The following KANSL1 variants were observed in gnomAD, a reference collection of about 807,000 sequenced individuals.
KANSL1 encodes KAT8 regulatory NSL complex subunit 1.
In KANSL1, 22 loss-of-function variants were observed where a neutral mutation model predicts 103.6. That is an observed-to-expected ratio of 0.21 (90% CI 0.15 to 0.30). The LOEUF (loss-of-function observed/expected upper bound fraction) is 0.30. KANSL1 is among the 10% of genes least tolerant of loss of function. The pLI, the probability that KANSL1 is intolerant of heterozygous loss-of-function variation, is 1.00. For missense variants in KANSL1, 1,337 were observed against 1,399.8 expected (o/e 0.96, Z 0.72); for synonymous variants, 600 against 527.6 (o/e 1.14, Z -1.88).
chr17:46,089,572 A>G (rs567612453), intron 3 of KANSL1, among the ~76,000 whole-genome samples: 1 of 151,722 alleles, frequency 6.6e-6, no homozygotes, highest in South Asian at 2.1e-4. Flanking sequence ...TCTCAAAAAA[A>G]AAAAAAAGAC....
intron 1 of KANSL1, among the ~76,000 whole-genome samples, chr17:46,190,050 C>T (rs532456407): frequency 1.3e-5 from 2 of 152,138 alleles, no homozygotes; most frequent in Non-Finnish European, 2.9e-5. Flanking sequence ...GTACACAAAT[C>T]AGGTCATAAC....
chr17:46,172,252 A>C lies in KANSL1; in HGVS notation c.-89-20T>G. The stretch of plus-strand genomic sequence containing the variant: ...AACAGACTAGAAGAGAAAGGAGAAA[A>C]GAATATTAGAAATACAAGCACTTTT... On this transcript the variant is annotated intron_variant, in intron 1 of 14. Coordinates refer to ENST00000432791, the MANE Select transcript of KANSL1 (RefSeq NM_015443.4). 7.5e-6 allele frequency: 8 copies of C among 1,064,056 alleles called. No homozygotes were observed. The South Asian group carries it at 1.2e-4, about 17-fold the overall frequency. 65.9% of individuals were successfully genotyped at this position (1,064,056 alleles called of 1,614,324 possible). A position where few individuals can be genotyped will look rare whatever the true frequency, so the allele number is the denominator to read the frequency against.
intron 1 of KANSL1, among the ~76,000 whole-genome samples, chr17:46,202,280 T>C (rs1051758925): frequency 2.0e-5 from 3 of 152,364 alleles, no homozygotes; most frequent in Admixed American, 1.3e-4. Flanking sequence ...ATCTCCAAGA[T>C]AGTACATTAT....
intron 3 of KANSL1, among the ~76,000 whole-genome samples, chr17:46,090,893 C>T (rs2079358129): frequency 6.6e-6 from 1 of 152,168 alleles, no homozygotes; most frequent in South Asian, 2.1e-4. Flanking sequence ...AATATAATAG[C>T]TGATAATAAA....
chr17:46,091,742 T>C (rs778302206), intron 3 of KANSL1, among the ~76,000 whole-genome samples: 2 of 151,832 alleles, frequency 1.3e-5, no homozygotes, highest in Admixed American at 6.6e-5. Context: ...ATAGGCTATA[T>C]ACCATATTGT....
chr17:46,165,451 C>T (rs970600731), intron 2 of KANSL1, among the ~76,000 whole-genome samples: 6 of 152,184 alleles, frequency 3.9e-5, no homozygotes, highest in Non-Finnish European at 7.3e-5. Flanking sequence ...CCAGGATGGT[C>T]TCAATCTCCT....
intron 1 of KANSL1, among the ~76,000 whole-genome samples, chr17:46,214,425 G>A (rs1281551723): frequency 1.3e-5 from 2 of 152,248 alleles, no homozygotes; most frequent in East Asian, 1.9e-4. Context: ...AGGCTGAGGG[G>A]GGTGGATCAC....
intron 2 of KANSL1, among the ~76,000 whole-genome samples, chr17:46,136,382 C>T (rs1265867897): frequency 6.6e-6 from 1 of 152,206 alleles, no homozygotes; most frequent in Non-Finnish European, 1.5e-5. Context: ...TGCACATGTT[C>T]ACATACCCAT....
At chr17:46,173,084 C>T (rs1398325639) in intron 1 of KANSL1, among the ~76,000 whole-genome samples, 6 of 152,216 alleles carry the variant, frequency 3.9e-5, no homozygotes, top group Non-Finnish European at 2.9e-5. Flanking sequence ...ACCTCAGTCC[C>T]CATTCTATCT....
intron 6 of KANSL1, among the ~76,000 whole-genome samples, chr17:46,056,882 CT>C (rs2077951201): frequency 1.3e-5 from 2 of 152,228 alleles, no homozygotes; most frequent in African/African-American, 4.8e-5. Context: ...CTGTAGATAT[CT>C]AGCAGCATCT....
chr17:46,161,661 C>T (rs1232436911), intron 2 of KANSL1, among the ~76,000 whole-genome samples: 1 of 152,234 alleles, frequency 6.6e-6, no homozygotes, highest in East Asian at 1.9e-4. Context: ...AATTCCCTGG[C>T]ACATGCCCTC....
rs74867664 is a variant in KANSL1, at chr17:46,033,429, C to T, written c.2698G>A (p.Gly900Arg). The change falls in exon 12 of 15, where the codon GGG becomes AGG. Residue 900 changes from glycine to arginine, a missense_variant. Physicochemically the swap from Gly to Arg is moderately radical, Grantham distance 125 (BLOSUM62 -2). Transcript: ENST00000432791. ...TCTTCATTCTCCTCATCAGGACTCC[C>T]CTTCAGAGACTGAAGATCAACCTCC... ...WREVDLQSLK[G>R]SPDEENEEIE... 818 of 1,614,152 alleles carry T rather than the reference C, an allele frequency of 5.1e-4. 11 individuals carry two copies. The East Asian group carries it at 0.013, about 25-fold the overall frequency.
rs968435320 is a variant in KANSL1, at chr17:46,030,281, A to C, written c.*1195T>G. 6.6e-6 allele frequency: 1 copy of C among 152,310 alleles called. No individual in the cohort carries two copies. Among genetic ancestry groups the C allele is most frequent in the African/African-American group, 2.4e-5 (1 of 41,380 alleles). 9.4% of individuals were successfully genotyped at this position (152,310 alleles called of 1,614,324 possible). On this transcript the variant is annotated 3_prime_UTR_variant, in exon 15 of 15. Coordinates refer to ENST00000432791, the MANE Select transcript of KANSL1 (RefSeq NM_015443.4). The stretch of plus-strand genomic sequence containing the variant: ...ACAATGACAAACCCTTTAACTTGCA[A>C]ACAGAAAAAAAAATCACTAATGTTG...
intron 3 of KANSL1, among the ~76,000 whole-genome samples, chr17:46,090,181 A>G (rs2079327675): frequency 6.6e-6 from 1 of 152,240 alleles, no homozygotes; most frequent in South Asian, 2.1e-4. Flanking sequence ...GCTACAGGCC[A>G]AGAACACCAA....
chr17:46,094,782 C>T, intron 2 of KANSL1, 81 bp from the exon 3 acceptor site: 5 of 1,524,730 alleles, frequency 3.3e-6, no homozygotes, highest in Non-Finnish European at 4.5e-6. Context: ...TGGAATTTAA[C>T]TTTTAAAGGC....
intron 3 of KANSL1, among the ~76,000 whole-genome samples, chr17:46,084,923 T>A (rs765351275): frequency 1.6e-4 from 25 of 152,180 alleles, no homozygotes; most frequent in Non-Finnish European, 2.4e-4. Context: ...GACAGTTATC[T>A]TGTACACCAC....
At chr17:46,130,473 G>C (rs1291328724) in intron 2 of KANSL1, among the ~76,000 whole-genome samples, 1 of 152,184 alleles carries the variant, frequency 6.6e-6, no homozygotes, top group Non-Finnish European at 1.5e-5. Context: ...GGTCACAGTG[G>C]GCATTTTGGA....
intron 2 of KANSL1, among the ~76,000 whole-genome samples, chr17:46,104,915 A>C (rs1255186111): frequency 6.6e-6 from 1 of 152,124 alleles, no homozygotes; most frequent in African/African-American, 2.4e-5. Context: ...TCCCAGGTTC[A>C]AGCGAATCTC....
rs114390913 is a variant in KANSL1 at position 46,114,527 on chromosome 17, T to C, written c.1290-19826A>G. Among the ~76,000 whole-genome samples, 628 of 152,336 alleles carry C rather than the reference T, an allele frequency of 4.1e-3. 7 individuals carry two copies. The highest frequency in any genetic ancestry group is 0.014 in the African/African-American group (578 of 41,576). ...TCTTAGACTACTATCAAATTCTCCC[T>C]AGGACTTCTACATTGCTGATAACAG... On this transcript the variant is annotated intron_variant, in intron 2 of 14. Coordinates refer to ENST00000432791, the MANE Select transcript of KANSL1 (RefSeq NM_015443.4).
Sources: gnomAD v4.1 joint callset for allele counts (sites outside exome capture counted in the v4.1 genomes callset) on GRCh38, gnomAD v4.1.1 for gene constraint, MANE v1.5 for transcripts, NCBI Gene and HGNC (gene_info 2026-07-23, HGNC 2026-07-21) for gene names.